The following PEBP4 variants were observed in gnomAD, a reference collection of about 807,000 sequenced individuals.
PEBP4 encodes the protein phosphatidylethanolamine binding protein 4, also known as phosphatidylethanolamine-binding protein 4.
Under a neutral mutation model 23.9 loss-of-function variants are expected in PEBP4, and 22 were observed. That is an observed-to-expected ratio of 0.92 (90% CI 0.66 to 1.31). PEBP4 has a LOEUF of 1.31. Ranked by LOEUF, PEBP4 falls within the 40% of genes most tolerant of loss-of-function variation. The pLI, the probability that PEBP4 is intolerant of heterozygous loss-of-function variation, is 0.00. For missense variants in PEBP4, 324 were observed against 281.7 expected (o/e 1.15, Z -1.07); for synonymous variants, 112 against 99.3 (o/e 1.13, Z -0.76).
At chr8:22,892,965 T>C (rs1808523158) in intron 3 of PEBP4, among the ~76,000 whole-genome samples, 2 of 152,162 alleles carry the variant, frequency 1.3e-5, no homozygotes, top group Non-Finnish European at 2.9e-5. Context: ...AAGGTGGTCA[T>C]GATTCACAAG....
At chr8:22,833,594 A>C (rs968322558) in intron 3 of PEBP4, among the ~76,000 whole-genome samples, 1 of 152,178 alleles carries the variant, frequency 6.6e-6, no homozygotes, top group African/African-American at 2.4e-5. Context: ...GGCCTCTCAA[A>C]GTGCTGGGAT....
At chr8:22,858,636 T>G (rs1364654407) in intron 3 of PEBP4, among the ~76,000 whole-genome samples, 1 of 152,160 alleles carries the variant, frequency 6.6e-6, no homozygotes, top group Non-Finnish European at 1.5e-5. Context: ...AACTGAAGCC[T>G]AAAACTCTCA....
rs115039052 is a variant in PEBP4 at position 22,790,443 on chromosome 8, C to T, written c.357+27194G>A. Among the ~76,000 whole-genome samples, 178 of 152,298 alleles carry T rather than the reference C, an allele frequency of 1.2e-3. 1 individual carries two copies. The highest frequency in any genetic ancestry group is 4.2e-3 in the African/African-American group (174 of 41,554). On this transcript the variant is annotated intron_variant, in intron 4 of 6. Coordinates refer to ENST00000256404, the MANE Select transcript of PEBP4 (RefSeq NM_144962.3). ...CTGCTTACATCGGTGGGATTTGAAC[C>T]GTGCCTTGGCATACCGGTGGGGGAA... is the stretch of plus-strand genomic sequence containing the variant.
intron 3 of PEBP4, among the ~76,000 whole-genome samples, chr8:22,822,994 T>G (rs1806892943): frequency 6.6e-6 from 1 of 151,872 alleles, no homozygotes; most frequent in Non-Finnish European, 1.5e-5. Context: ...AAAGGAAAAA[T>G]AATTATCCAA....
chr8:22,932,704 T>C (rs1809476977), upstream of PEBP4, among the ~76,000 whole-genome samples: 2 of 143,604 alleles, frequency 1.4e-5, no homozygotes, highest in South Asian at 4.4e-4. Flanking sequence ...AAAAGCCTCC[T>C]TCAAAATAAT....
chr8:22,728,751 C>T (rs1226822670), intron 4 of PEBP4, among the ~76,000 whole-genome samples: 3 of 152,194 alleles, frequency 2.0e-5, no homozygotes, highest in Non-Finnish European at 2.9e-5. Context: ...GTGCCCACCA[C>T]CACGCCTGGC....
At chr8:22,776,996 C>A (rs1479947195) in intron 4 of PEBP4, among the ~76,000 whole-genome samples, 2 of 151,594 alleles carry the variant, frequency 1.3e-5, no homozygotes, top group Admixed American at 6.6e-5. Flanking sequence ...GGAAGGGCAC[C>A]GATCAGAATG....
At chr8:22,884,259 T>C (rs978210326) in intron 3 of PEBP4, 2 of 152,158 alleles carry the variant, frequency 1.3e-5, no homozygotes, top group Admixed American at 1.3e-4. Flanking sequence ...GAAGCAGTTA[T>C]GAAGGTTGAA....
At chr8:22,732,880 G>C (rs1804768700) in intron 4 of PEBP4, among the ~76,000 whole-genome samples, 1 of 152,078 alleles carries the variant, frequency 6.6e-6, no homozygotes, top group Non-Finnish European at 1.5e-5. Flanking sequence ...TGCTTCTCTG[G>C]CAAGCTAGCC....
At chr8:22,760,573 G>C (rs762798801) in intron 4 of PEBP4, among the ~76,000 whole-genome samples, 3 of 152,074 alleles carry the variant, frequency 2.0e-5, no homozygotes, top group Admixed American at 2.0e-4. Context: ...AGGATGGCAG[G>C]GGGGGCAGTT....
intron 1 of PEBP4, among the ~76,000 whole-genome samples, chr8:22,939,473 A>G (rs969616185): frequency 6.6e-6 from 1 of 152,154 alleles, no homozygotes; most frequent in African/African-American, 2.4e-5. Flanking sequence ...GGCCTTATAG[A>G]TAACTGTTTG....
At chr8:22,879,873 T>C (rs1185235074) in intron 3 of PEBP4, among the ~76,000 whole-genome samples, 3 of 152,220 alleles carry the variant, frequency 2.0e-5, no homozygotes, top group East Asian at 1.9e-4. Flanking sequence ...AATTTTCTGG[T>C]GTGTTTATTT....
At chr8:22,768,617 G>C (rs1015026651) in intron 4 of PEBP4, among the ~76,000 whole-genome samples, 1 of 152,106 alleles carries the variant, frequency 6.6e-6, no homozygotes, top group Non-Finnish European at 1.5e-5. Context: ...ACGCAGCCTC[G>C]GGTGGGGCCT....
At chr8:22,853,214 C>T (rs925287686) in intron 3 of PEBP4, among the ~76,000 whole-genome samples, 4 of 152,138 alleles carry the variant, frequency 2.6e-5, no homozygotes, top group Non-Finnish European at 5.9e-5. Flanking sequence ...GAATCATTAG[C>T]CCTCATTTTA....
At chr8:22,849,450 G>A (rs1189433897) in intron 3 of PEBP4, among the ~76,000 whole-genome samples, 2 of 152,246 alleles carry the variant, frequency 1.3e-5, no homozygotes, top group African/African-American at 4.8e-5. Context: ...TTAGAGGGCA[G>A]AAGGAGAGGG....
chr8:22,787,099 C>T (rs990773179), intron 4 of PEBP4, among the ~76,000 whole-genome samples: 3 of 152,224 alleles, frequency 2.0e-5, no homozygotes, highest in Non-Finnish European at 4.4e-5. Context: ...GCTGGGATTA[C>T]AGGCGTAAGC....
At chr8:22,774,053 C>G (rs1285609004) in intron 4 of PEBP4, among the ~76,000 whole-genome samples, 1 of 152,180 alleles carries the variant, frequency 6.6e-6, no homozygotes, top group African/African-American at 2.4e-5. Flanking sequence ...ACGGGCACCA[C>G]AGCCTCCCTC....
At chr8:22,783,243 G>A (rs2128755596) in intron 4 of PEBP4, among the ~76,000 whole-genome samples, 2 of 152,346 alleles carry the variant, frequency 1.3e-5, no homozygotes, top group South Asian at 4.1e-4. Flanking sequence ...GAGAATAAGG[G>A]AGTGATGCTT....
At chr8:22,765,912 A>G (rs904388628) in intron 4 of PEBP4, among the ~76,000 whole-genome samples, 3 of 150,296 alleles carry the variant, frequency 2.0e-5, no homozygotes, top group Non-Finnish European at 4.5e-5. Context: ...TTCATGGATC[A>G]CCACCTGTGG....
Sources: gnomAD v4.1 joint callset for allele counts (sites outside exome capture counted in the v4.1 genomes callset) on GRCh38, gnomAD v4.1.1 for gene constraint, MANE v1.5 for transcripts, NCBI Gene and HGNC (gene_info 2026-07-23, HGNC 2026-07-21) for gene names.